Variants in TBCEL observed in about 807,000 individuals in gnomAD.
TBCEL encodes the protein tubulin folding cofactor E like.
TBCEL carries 15 observed loss-of-function variants against 44.2 expected under a neutral mutation model. The ratio of observed to expected loss-of-function variants is 0.34; its 90% CI spans 0.23 to 0.52. The LOEUF is 0.52. TBCEL is among the 20% of genes least tolerant of loss of function. TBCEL has a pLI of 0.95. For synonymous variants in TBCEL, 171 were observed against 185.4 expected (o/e 0.92, Z 0.63); for missense variants, 319 against 506.3 (o/e 0.63, Z 3.55).
intron 8 of TBCEL, among the ~76,000 whole-genome samples, chr11:121,070,874 A>G (rs4643089): frequency 0.21 from 31,232 of 151,088 alleles, 4,060 homozygotes; most frequent in Admixed American, 0.31. Flanking sequence ...AGACCCAGAG[A>G]CTTAAAAACT....
intron 8 of TBCEL, among the ~76,000 whole-genome samples, chr11:121,077,926 G>A (rs558334236): frequency 6.6e-6 from 1 of 151,738 alleles, no homozygotes; most frequent in African/African-American, 2.4e-5. Flanking sequence ...AGGGATTTTC[G>A]TCATCTTTCT....
At chr11:121,041,902 C>G (rs1383091858) in intron 2 of TBCEL, among the ~76,000 whole-genome samples, 2 of 139,476 alleles carry the variant, frequency 1.4e-5, no homozygotes, top group Non-Finnish European at 3.1e-5. Flanking sequence ...CTTGGTGTTG[C>G]TTTTCAGTCA....
chr11:121,038,639 G>A (rs1035641218), intron 2 of TBCEL, among the ~76,000 whole-genome samples: 1 of 151,978 alleles, frequency 6.6e-6, no homozygotes, highest in African/African-American at 2.4e-5. Context: ...AGTCCTGAGA[G>A]GTTCTTTGAA....
At chr11:121,035,566 G>A (rs1291536063) in intron 1 of TBCEL, 1 of 151,876 alleles carries the variant, frequency 6.6e-6, no homozygotes, top group Non-Finnish European at 1.5e-5. Flanking sequence ...TAGCCAGGGT[G>A]GTTTGTAAAC....
At chr11:121,038,053 G>A (rs753220823) in intron 2 of TBCEL, among the ~76,000 whole-genome samples, 19 of 151,852 alleles carry the variant, frequency 1.3e-4, no homozygotes, top group Middle Eastern at 6.8e-3. Flanking sequence ...TCTGCCTCCC[G>A]GGTTCAAGCG....
At position 121,055,166 on chromosome 11, in the gene TBCEL, T is replaced by C; in HGVS notation, c.570T>C (p.Thr190=). ...CAGACAATAACCTCCAAGACTGGAC[T>C]GAAATACGAAAGTTAGGAGTTATGT... is the stretch of plus-strand genomic sequence containing the variant. ...HITDNNLQDW[T]EIRKLGVMFP... Residue 190 remains threonine (T), a synonymous_variant, in exon 6 of 9, where the codon ACT becomes ACC. Transcript: ENST00000683345. 6.2e-7 allele frequency: 1 copy of C among 1,612,346 alleles called. No homozygotes were observed. The highest frequency in any genetic ancestry group is 8.5e-7 in the Non-Finnish European group (1 of 1,178,982).
rs181707685 is a variant in TBCEL at position 121,046,579 on chromosome 11, A to C, written c.133+756A>C. 4.7e-3 allele frequency among the ~76,000 whole-genome samples: 714 copies of C among 152,032 alleles called. 5 individuals carry two copies. Among genetic ancestry groups the C allele is most frequent in the Middle Eastern group, 0.017 (5 of 294 alleles). The stretch of plus-strand genomic sequence containing the variant: ...AATGGCAGAGAGAAGTGGATTTCTT[A>C]CTTGGTAATTTTTTTTTTCCGGGAT... On this transcript the variant is annotated intron_variant, in intron 3 of 8. Coordinates refer to ENST00000683345, the MANE Select transcript of TBCEL (RefSeq NM_001363644.2).
chr11:121,082,456 A>T (rs1946142878), intron 8 of TBCEL, among the ~76,000 whole-genome samples: 1 of 152,214 alleles, frequency 6.6e-6, no homozygotes, highest in African/African-American at 2.4e-5. Context: ...CTGTTTTTGA[A>T]GGCTCATATG....
intron 4 of TBCEL, 31 bp downstream of exon 4, chr11:121,047,698 A>G: frequency 6.2e-7 from 1 of 1,608,734 alleles, no homozygotes; most frequent in Non-Finnish European, 8.5e-7. Flanking sequence ...CATTTTAGTG[A>G]AAAGCAGCAA....
chr11:121,030,688 T>A (rs982313282), intron 1 of TBCEL, among the ~76,000 whole-genome samples: 3 of 152,104 alleles, frequency 2.0e-5, no homozygotes, highest in Admixed American at 1.3e-4. Flanking sequence ...AATTCAGAGT[T>A]CTGTTTTTGC....
intron 4 of TBCEL, among the ~76,000 whole-genome samples, chr11:121,050,717 A>C (rs1001946976): frequency 6.6e-6 from 1 of 151,704 alleles, no homozygotes; most frequent in Admixed American, 6.6e-5. Context: ...GGTACAGATG[A>C]CAGATTGTTG....
chr11:121,067,256 T>G (rs952347413), intron 8 of TBCEL, among the ~76,000 whole-genome samples: 1 of 152,226 alleles, frequency 6.6e-6, no homozygotes, highest in African/African-American at 2.4e-5. Context: ...TAAAAGACTT[T>G]AAAGAGGATC....
intron 8 of TBCEL, among the ~76,000 whole-genome samples, chr11:121,077,615 T>C (rs941985462): frequency 2.8e-4 from 43 of 152,200 alleles, no homozygotes; most frequent in African/African-American, 1.0e-3. Flanking sequence ...CTATATTTCA[T>C]TGATTTCTGC....
chr11:121,054,878 T>G, intron 5 of TBCEL, 174 bp from the exon 6 acceptor site: 1 of 575,648 alleles, frequency 1.7e-6, no homozygotes, highest in Non-Finnish European at 2.7e-6. Context: ...CTTCAGGTTT[T>G]GTCTTCCCAG....
Position 121,045,793 on chromosome 11 carries a change from C to G in TBCEL, c.103C>G (p.Pro35Ala). The G allele has an allele frequency of 1.9e-6, 3 of 1,609,800 alleles. No homozygotes were observed. The highest frequency in any genetic ancestry group is 2.5e-6 in the Non-Finnish European group (3 of 1,178,530). The stretch of plus-strand genomic sequence containing the variant: ...TGGCCCGGGGATGGGAGTCCATGTC[C>G]CAGCCACACCTCAGGGCTCTCCTAT... Reference protein sequence around the residue: ...RRGPGMGVHVPATPQGSPMKD... With the variant: ...RRGPGMGVHVAATPQGSPMKD... Residue 35 changes from proline (P) to alanine (A), a missense_variant, in exon 3 of 9, where the codon CCA (proline) becomes GCA (alanine). Pro to Ala is a conservative substitution (Grantham distance 27, BLOSUM62 -1). Transcript: ENST00000683345.
chr11:121,067,008 C>T lies in TBCEL; in HGVS notation c.956+6923C>T, dbSNP rs1945833430. The stretch of plus-strand genomic sequence containing the variant: ...AATTCTAACTTCCACTACAGCCTTC[C>T]TAGCTCGGTTCCCCGAGCTTTTCTT... On this transcript the variant is annotated intron_variant, in intron 8 of 8. Coordinates refer to ENST00000683345, the MANE Select transcript of TBCEL (RefSeq NM_001363644.2). Among the ~76,000 whole-genome samples, 4 of 152,302 alleles carry T rather than the reference C, an allele frequency of 2.6e-5. No homozygotes were observed. In the South Asian group the frequency reaches 8.3e-4, roughly 32 times the overall value.
intron 1 of TBCEL, among the ~76,000 whole-genome samples, chr11:121,026,642 G>A (rs1470081537): frequency 1.3e-5 from 2 of 152,170 alleles, no homozygotes; most frequent in Non-Finnish European, 1.5e-5. Context: ...AACTTTGTGT[G>A]TTATAAATCT....
chr11:121,074,354 T>C (rs149722406), intron 8 of TBCEL, among the ~76,000 whole-genome samples: 15 of 152,176 alleles, frequency 9.9e-5, no homozygotes, highest in African/African-American at 3.4e-4. Flanking sequence ...ATTTTGTGCG[T>C]AATTTTTGTA....
intron 6 of TBCEL, among the ~76,000 whole-genome samples, chr11:121,056,026 C>T (rs1945613919): frequency 6.6e-6 from 1 of 151,778 alleles, no homozygotes; most frequent in African/African-American, 2.4e-5. Flanking sequence ...TTAGGGTTCA[C>T]TATTGGTGGT....
Sources: allele counts gnomAD v4.1 joint callset (sites outside exome capture counted in the v4.1 genomes callset), GRCh38; gene constraint gnomAD v4.1.1; transcripts MANE v1.5; gene names NCBI Gene and HGNC (gene_info 2026-07-23, HGNC 2026-07-21).